Variants in AGT observed in about 807,000 individuals in gnomAD.
AGT encodes angiotensinogen, also known as alpha-1 antiproteinase, antitrypsin.
Under a neutral mutation model 28.1 loss-of-function variants are expected in AGT, and 26 were observed. The observed-to-expected ratio is 0.92, with a 90% CI of 0.68 to 1.28. AGT has a LOEUF of 1.28. AGT is among the 50% of genes most tolerant of loss of function. The probability of loss-of-function intolerance (pLI) is 0.00; values close to 1 mark genes in which losing one functional copy is unlikely to be tolerated. For synonymous variants in AGT, 259 were observed against 259.6 expected, an observed-to-expected ratio of 1.00 and a Z score of 0.02; for missense variants, 596 against 592.3, an observed-to-expected ratio of 1.01 and a Z score of -0.06.
upstream of AGT, among the ~76,000 whole-genome samples, chr1:230,715,122 T>G (rs1282431971): frequency 6.6e-6 from 1 of 152,096 alleles, no homozygotes; most frequent in Non-Finnish European, 1.5e-5. Context: ...AATGGAACAT[T>G]TAACAACAAA....
In AGT at chr1:230,707,198, C is replaced by T. The variant is rs567616283; in HGVS notation, c.830-998G>A. On this transcript the variant is annotated intron_variant, in intron 2 of 4. Transcript: ENST00000366667. Reference sequence around the variant, plus strand: ...GAGAAGGACACAAATTTGTGTGTGACGCAGTTACCTGGGGTCTTTCCATGA... The same window carrying T: ...GAGAAGGACACAAATTTGTGTGTGATGCAGTTACCTGGGGTCTTTCCATGA... 7.2e-5 allele frequency among the ~76,000 whole-genome samples: 11 copies of T among 152,318 alleles called. No homozygotes were observed. The South Asian group carries it at 1.9e-3, about 26-fold the overall frequency.
chr1:230,721,415 G>A (rs1663841578), intron 1 of AGT, among the ~76,000 whole-genome samples: 1 of 152,216 alleles, frequency 6.6e-6, no homozygotes, highest in Admixed American at 6.5e-5. Context: ...GCCTATCTCT[G>A]CACTATTGTG....
rs149973083 is a variant in AGT, at chr1:230,710,759, G to C, written c.65C>G (p.Ala22Gly). 33 of 1,614,080 alleles carry C rather than the reference G, an allele frequency of 2.0e-5. No individual in the cohort carries two copies. The African/African-American group carries it at 4.4e-4, about 22-fold the overall frequency. ...ILCLLAWAGLAAGDRVYIHPF... is the reference protein window; with the variant it reads ...ILCLLAWAGLGAGDRVYIHPF... ...GTGTATGTACACCCGGTCACCTGCA[G>C]CCAGGCCAGCCCAGGCCAGGAGGCA... The change falls in exon 2 of 5, where the codon GCT becomes GGT. Residue 22 changes from alanine (A) to glycine (G), a missense_variant. Transcript: ENST00000366667.
upstream of AGT, chr1:230,714,311 G>C (rs1663681057): frequency 6.6e-6 from 1 of 152,288 alleles, no homozygotes; most frequent in African/African-American, 2.4e-5. Flanking sequence ...GATCGATGCA[G>C]AGTTTCACTG....
At chr1:230,726,943 C>T (rs1017145161) in intron 1 of AGT, among the ~76,000 whole-genome samples, 3 of 152,150 alleles carry the variant, frequency 2.0e-5, no homozygotes, top group African/African-American at 4.8e-5. Context: ...AGCTGAGTGA[C>T]GAATAAAGAA....
At chr1:230,715,656 A>C (rs184228866), upstream of AGT, among the ~76,000 whole-genome samples, 1 of 152,218 alleles carries the variant, frequency 6.6e-6, no homozygotes, top group Non-Finnish European at 1.5e-5. Context: ...GAGGATCAGC[A>C]AGTGGTTTAA....
At position 230,706,213 on chromosome 1, in the gene AGT, C is replaced by G. The variant is rs755035667; in HGVS notation, c.830-13G>C. On this transcript the variant is annotated splice_polypyrimidine_tract_variant and intron_variant, in intron 2 of 4. Coordinates refer to ENST00000366667, the MANE Select transcript of AGT (RefSeq NM_001384479.1). ...CCCTTCATCTTCCCTGAAATCCAGA[C>G]AGGAGACAGGGAGGGAAGAGTCACC... 3 of 1,612,294 alleles carry G rather than the reference C, an allele frequency of 1.9e-6. No individual in the cohort carries two copies. Among genetic ancestry groups the G allele is most frequent in the Admixed American group, 3.3e-5 (2 of 60,000 alleles).
Position 230,713,128 on chromosome 1 carries a change from C to T in AGT, c.-31+958G>A, listed in dbSNP as rs140250577. Reference sequence around the variant, plus strand: ...ACTCTCTCATCCAGCTCCCCTTTTCCCTCCTTATAACCCTCTGTACCATGT... The same window carrying T: ...ACTCTCTCATCCAGCTCCCCTTTTCTCTCCTTATAACCCTCTGTACCATGT... On this transcript the variant is annotated intron_variant, in intron 1 of 4. Transcript: ENST00000366667. 4.0e-3 allele frequency among the ~76,000 whole-genome samples: 607 copies of T among 152,296 alleles called. 3 individuals are homozygous for T. Among genetic ancestry groups the T allele is most frequent in the African/African-American group, 0.014 (581 of 41,548 alleles).
intron 1 of AGT, among the ~76,000 whole-genome samples, chr1:230,736,223 T>C (rs1298331438): frequency 2.0e-5 from 3 of 152,072 alleles, no homozygotes; most frequent in Non-Finnish European, 4.4e-5. Flanking sequence ...ATTTTGATCC[T>C]GAGCATAAGA....
intron 3 of AGT, among the ~76,000 whole-genome samples, chr1:230,705,577 C>G (rs1296324426): frequency 2.0e-5 from 3 of 152,254 alleles, no homozygotes; most frequent in Non-Finnish European, 4.4e-5. Context: ...TTGGATGTCA[C>G]AGGTGTGCTG....
In AGT at chr1:230,703,122, G is replaced by T. The variant is rs1406532996; in HGVS notation, c.*19C>A. The T allele has an allele frequency of 6.2e-7, 1 of 1,611,918 alleles. No individual in the cohort carries two copies. The highest frequency in any genetic ancestry group is 8.5e-7 in the Non-Finnish European group (1 of 1,179,262). ...AGGGGCAGAGGCCTTGCCAGGCACT[G>T]TGTTCTGGGGCCCTGGCCTCATGCT... is the stretch of plus-strand genomic sequence containing the variant. On this transcript the variant is annotated 3_prime_UTR_variant, in exon 5 of 5. Coordinates refer to ENST00000366667, the MANE Select transcript of AGT (RefSeq NM_001384479.1).
chr1:230,706,828 G>A (rs1663400431), intron 2 of AGT, among the ~76,000 whole-genome samples: 1 of 152,094 alleles, frequency 6.6e-6, no homozygotes, highest in Non-Finnish European at 1.5e-5. Flanking sequence ...TTGGACGCAC[G>A]TAGAATGACA....
At chr1:230,704,551 A>G (rs61757185) in intron 3 of AGT, among the ~76,000 whole-genome samples, 165 of 152,402 alleles carry the variant, frequency 1.1e-3, no homozygotes, top group African/African-American at 3.5e-3. Flanking sequence ...TGTGAGGGAC[A>G]TAGAAGATTT....
intron 1 of AGT, among the ~76,000 whole-genome samples, chr1:230,730,567 G>A (rs748765584): frequency 1.3e-5 from 2 of 152,262 alleles, no homozygotes; most frequent in Admixed American, 6.5e-5. Context: ...GTTACTGTCC[G>A]TCTTGAAAAC....
At position 230,744,344 on chromosome 1, in the gene AGT, C is replaced by A. The variant is rs116812280; in HGVS notation, c.-31+1171G>T. On this transcript the variant is annotated intron_variant, in intron 1 of 4. Transcript: ENST00000681269. ...TTACTCAGCAAATGTGCATCGTGCT[C>A]CTGCCCTGCACTGGGCTGAGCTGGG... Among the ~76,000 whole-genome samples the A allele has an allele frequency of 2.7e-3, 414 of 152,316 alleles. 1 individual carries two copies. Among genetic ancestry groups the A allele is most frequent in the Middle Eastern group, 0.01 (3 of 294 alleles).
At chr1:230,726,394 GA>G (rs1434104487) in intron 1 of AGT, among the ~76,000 whole-genome samples, 7 of 151,324 alleles carry the variant, frequency 4.6e-5, no homozygotes, top group East Asian at 1.9e-4. Flanking sequence ...CAAACCTACT[GA>G]AAAAAAAGTC....
chr1:230,710,348 T>A lies in AGT; in HGVS notation c.476A>T (p.Asp159Val). Residue 159 changes from aspartate (D) to valine (V), a missense_variant, in exon 2 of 5, where the codon GAC (aspartate) becomes GTC (valine). Transcript: ENST00000366667. Reference sequence around the variant, plus strand: ...ATCCAGCCGGGAGGTGCAGTTCTTGTCCTTCCAAGGAACACCCAGGATTGC... The same window carrying A: ...ATCCAGCCGGGAGGTGCAGTTCTTGACCTTCCAAGGAACACCCAGGATTGC... ...LQAILGVPWK[D>V]KNCTSRLDAH... 1 of 1,614,078 alleles carries A rather than the reference T, an allele frequency of 6.2e-7. No homozygotes were observed. Among genetic ancestry groups the A allele is most frequent in the Non-Finnish European group, 8.5e-7 (1 of 1,180,018 alleles).
chr1:230,732,909 T>A (rs1664092720), intron 1 of AGT, among the ~76,000 whole-genome samples: 1 of 152,120 alleles, frequency 6.6e-6, no homozygotes, highest in Admixed American at 6.6e-5. Context: ...AGGACTATAC[T>A]GTATTAACAC....
chr1:230,704,273 C>A lies in AGT; in HGVS notation c.1162G>T (p.Ala388Ser), dbSNP rs61751065. The A allele has an allele frequency of 6.2e-7, 1 of 1,614,206 alleles. No individual in the cohort carries two copies. The highest frequency in any genetic ancestry group is 1.7e-5 in the Admixed American group (1 of 60,030). Residue 388 changes from alanine (A) to serine (S), a missense_variant, in exon 4 of 5, where the codon GCC becomes TCC. Coordinates refer to ENST00000366667, the MANE Select transcript of AGT (RefSeq NM_001384479.1). ...QGSYDLQDLL[A>S]QAELPAILHT... is the part of the protein sequence containing the mutation. Reference sequence around the variant, plus strand: ...AGAATGGCGGGCAGCTCAGCCTGGGCGAGCAGGTCCTGCAGGTCATAAGAT... The same window carrying A: ...AGAATGGCGGGCAGCTCAGCCTGGGAGAGCAGGTCCTGCAGGTCATAAGAT...
Sources: allele counts gnomAD v4.1 joint callset (sites outside exome capture counted in the v4.1 genomes callset), GRCh38; gene constraint gnomAD v4.1.1; transcripts MANE v1.5; gene names NCBI Gene and HGNC (gene_info 2026-07-23, HGNC 2026-07-21).